The following FAAH2 variants were observed in gnomAD, a reference collection of about 807,000 sequenced individuals.
FAAH2 encodes the protein fatty acid amide hydrolase 2.
FAAH2 carries 60 observed loss-of-function variants against 36.9 expected under a neutral mutation model. That is an observed-to-expected ratio of 1.63 (90% CI 1.32 to 2.02). The LOEUF is 2.02. Ranked by LOEUF, FAAH2 falls within the 30% of genes most tolerant of loss-of-function variation. FAAH2 has a pLI of 0.00. For synonymous variants in FAAH2, 214 were observed against 143.8 expected, an observed-to-expected ratio of 1.49 and a Z score of -3.49; for missense variants, 689 against 397.5, an observed-to-expected ratio of 1.73 and a Z score of -6.23.
intron 10 of FAAH2, among the ~76,000 whole-genome samples, chrX:57,454,125 A>AGAGAG (rs1491213152): frequency 2.6e-5 from 1 of 38,486 alleles, no homozygotes; most frequent in African/African-American, 4.0e-5. Context: ...GAGCCCTGAA[A>AGAGAG]GAGAGTAGGA....
At chrX:57,397,668 T>A (rs2055336744) in intron 7 of FAAH2, among the ~76,000 whole-genome samples, 1 of 110,656 alleles carries the variant, frequency 9.0e-6, no homozygotes, top group African/African-American at 3.3e-5. Flanking sequence ...CCATCATAGG[T>A]AATTTGATGA....
intron 5 of FAAH2, among the ~76,000 whole-genome samples, chrX:57,356,186 T>C (rs987844627): frequency 9.0e-6 from 1 of 111,405 alleles, no homozygotes; most frequent in African/African-American, 3.3e-5. Flanking sequence ...TTGTTGAATA[T>C]ATTTGCATCC....
intron 3 of FAAH2, among the ~76,000 whole-genome samples, chrX:57,322,815 T>G (rs35954722): frequency 0.54 from 59,541 of 109,805 alleles, 14,346 homozygotes; most frequent in Non-Finnish European, 0.75. Context: ...TTTCTTTTTT[T>G]TTTTGTTTTG....
the FAAH2 span, among the ~76,000 whole-genome samples, chrX:57,233,137 C>T: frequency 2.7e-5 from 3 of 111,783 alleles, no homozygotes; most frequent in Non-Finnish European, 5.6e-5. Flanking sequence ...TGAGGAGTAG[C>T]TAGCCAGGGG....
the FAAH2 span, among the ~76,000 whole-genome samples, chrX:57,168,221 C>T: frequency 9.0e-6 from 1 of 110,633 alleles, no homozygotes; most frequent in Non-Finnish European, 1.9e-5. Flanking sequence ...CTTGTATATT[C>T]TATGCCCTAG....
At chrX:57,376,496 CTCT>C (rs1214409906) in intron 5 of FAAH2, among the ~76,000 whole-genome samples, 1 of 111,428 alleles carries the variant, frequency 9.0e-6, no homozygotes, top group Non-Finnish European at 1.9e-5. Flanking sequence ...GTTTGGTTTT[CTCT>C]TCTTGTGATA....
chrX:57,402,459 G>T (rs959138001), intron 7 of FAAH2, among the ~76,000 whole-genome samples: 7 of 111,314 alleles, frequency 6.3e-5, no homozygotes, highest in Non-Finnish European at 1.3e-4. Flanking sequence ...TGTTCCTCCT[G>T]ATCTCTATTA....
the FAAH2 span, among the ~76,000 whole-genome samples, chrX:57,276,119 C>T: frequency 8.9e-6 from 1 of 112,070 alleles, no homozygotes; most frequent in East Asian, 2.8e-4. Flanking sequence ...ACAGAATATA[C>T]ATTCTACTCA....
chrX:57,468,607 C>A (rs903560903), intron 10 of FAAH2, among the ~76,000 whole-genome samples: 2 of 111,391 alleles, frequency 1.8e-5, no homozygotes, highest in Admixed American at 9.5e-5. Flanking sequence ...GTGAAAAGAC[C>A]AAATCTACGT....
chrX:57,139,909 T>C, the FAAH2 span, among the ~76,000 whole-genome samples: 1 of 112,088 alleles, frequency 8.9e-6, no homozygotes, highest in Non-Finnish European at 1.9e-5. Flanking sequence ...TCTTTGGTGT[T>C]TTGACAGAGA....
chrX:57,318,936 T>C (rs2052928511), intron 3 of FAAH2, among the ~76,000 whole-genome samples: 1 of 111,733 alleles, frequency 8.9e-6, no homozygotes, highest in Non-Finnish European at 1.9e-5. Flanking sequence ...ATTATCTCAA[T>C]AGATGCAGAA....
chrX:57,310,574 T>A lies in FAAH2; in HGVS notation c.276-19T>A. 1 of 1,185,618 alleles carries A rather than the reference T, an allele frequency of 8.4e-7. No individual in the cohort carries two copies. Among genetic ancestry groups the A allele is most frequent in the Non-Finnish European group, 1.1e-6 (1 of 884,897 alleles). On this transcript the variant is annotated intron_variant, in intron 2 of 10. Transcript: ENST00000374900. ...ATGACTTGTTTAGTTAAAGTTTGCATTGTTTTATTTCTTCTTAGGTTTGAG... is the reference window on the plus strand; with the variant it reads ...ATGACTTGTTTAGTTAAAGTTTGCAATGTTTTATTTCTTCTTAGGTTTGAG...
At chrX:57,413,777 T>C (rs2055763071) in intron 7 of FAAH2, among the ~76,000 whole-genome samples, 1 of 112,078 alleles carries the variant, frequency 8.9e-6, no homozygotes, top group African/African-American at 3.2e-5. Flanking sequence ...GGGGATAGCA[T>C]TGAATTTATA....
the FAAH2 span, among the ~76,000 whole-genome samples, chrX:57,154,284 T>TG: frequency 9.3e-6 from 1 of 107,056 alleles, no homozygotes; most frequent in Admixed American, 1.0e-4. Context: ...TTTTTTTTTT[T>TG]GACACAGTCT....
chrX:57,218,966 A>G, the FAAH2 span, among the ~76,000 whole-genome samples: 50,194 of 110,801 alleles, frequency 0.45, 11,442 homozygotes, highest in African/African-American at 0.89. Flanking sequence ...TTAAGGAGAT[A>G]TATAACTCCT....
chrX:57,484,179 T>A (rs1209651995), intron 10 of FAAH2, among the ~76,000 whole-genome samples: 1 of 110,675 alleles, frequency 9.0e-6, no homozygotes, highest in Non-Finnish European at 1.9e-5. Flanking sequence ...AAGACACAGA[T>A]GTGGCACAAG....
At chrX:57,388,094 G>A (rs772102756) in intron 7 of FAAH2, among the ~76,000 whole-genome samples, 140 of 111,395 alleles carry the variant, frequency 1.3e-3, no homozygotes, top group Non-Finnish European at 2.0e-3. Flanking sequence ...AAATAGCCAA[G>A]AAGAAATGAA....
intron 10 of FAAH2, among the ~76,000 whole-genome samples, chrX:57,478,259 ATG>A (rs1371373158): frequency 1.8e-5 from 2 of 111,327 alleles, no homozygotes; most frequent in Admixed American, 9.5e-5. Flanking sequence ...GCATTTTTTC[ATG>A]TGTTTTTTGG....
At chrX:57,233,638 G>C in the FAAH2 span, among the ~76,000 whole-genome samples, 2 of 111,208 alleles carry the variant, frequency 1.8e-5, no homozygotes, top group Admixed American at 9.6e-5. Context: ...TTTTTGTTTT[G>C]TTTTCTTTTG....
Sources: allele counts gnomAD v4.1 joint callset (sites outside exome capture counted in the v4.1 genomes callset), GRCh38; gene constraint gnomAD v4.1.1; transcripts MANE v1.5; gene names NCBI Gene and HGNC (gene_info 2026-07-23, HGNC 2026-07-21).